NUP98: variants seen among roughly 807,000 people sequenced by gnomAD.
The protein encoded by NUP98 is nuclear pore complex protein Nup98-Nup96.
In NUP98, 26 loss-of-function variants were observed where a neutral mutation model predicts 191.9. The ratio of observed to expected loss-of-function variants is 0.14; its 90% confidence interval spans 0.10 to 0.19. NUP98 has a LOEUF of 0.19. NUP98 is among the 10% of genes least tolerant of loss of function. NUP98 has a pLI of 1.00. For synonymous variants in NUP98, 808 were observed against 778.4 expected (o/e 1.04, Z -0.63); for missense variants, 1,941 against 2,178.8 (o/e 0.89, Z 2.17).
intron 7 of NUP98, among the ~76,000 whole-genome samples, chr11:3,770,388 G>A (rs758057361): frequency 3.9e-5 from 6 of 152,024 alleles, no homozygotes; most frequent in Non-Finnish European, 8.8e-5. Flanking sequence ...TGAGGTAGGA[G>A]AATCACCTGA....
chr11:3,773,097 C>T (rs1302684136), intron 6 of NUP98, among the ~76,000 whole-genome samples: 1 of 152,096 alleles, frequency 6.6e-6, no homozygotes, highest in Non-Finnish European at 1.5e-5. Flanking sequence ...ACAGAAGCAA[C>T]ATCCAATCAG....
chr11:3,728,703 C>T (rs1395257394), intron 14 of NUP98, among the ~76,000 whole-genome samples: 1 of 152,068 alleles, frequency 6.6e-6, no homozygotes, highest in Admixed American at 6.6e-5. Flanking sequence ...GGGGCCACTG[C>T]ACTCCAGCCT....
chr11:3,741,808 G>A (rs577842211), intron 12 of NUP98, among the ~76,000 whole-genome samples: 3 of 152,284 alleles, frequency 2.0e-5, no homozygotes, highest in African/African-American at 7.2e-5. Flanking sequence ...AAGCACAAGA[G>A]CATTAGACCA....
intron 12 of NUP98, among the ~76,000 whole-genome samples, chr11:3,737,727 TAA>T (rs1195288422): frequency 6.6e-6 from 1 of 152,194 alleles, no homozygotes; most frequent in East Asian, 1.9e-4. Context: ...CAATAAATAC[TAA>T]AACACCGTAC....
Position 3,744,492 on chromosome 11 carries a change from A to C in NUP98, c.1408+17T>G, listed in dbSNP as rs374879643. 8.8e-6 allele frequency: 14 copies of C among 1,587,354 alleles called. No homozygotes were observed. Among genetic ancestry groups the C allele is most frequent in the Admixed American group, 1.9e-5 (1 of 51,462 alleles). On this transcript the variant is annotated intron_variant, in intron 12 of 32. Transcript: ENST00000324932. ...GCAAAAAATTAAGAAAAGCCTTCTA[A>C]AGTGACTGACACTTACCTACTGGGG...
At chr11:3,794,368 T>C (rs1439612267) in intron 1 of NUP98, among the ~76,000 whole-genome samples, 1 of 152,178 alleles carries the variant, frequency 6.6e-6, no homozygotes, top group African/African-American at 2.4e-5. Flanking sequence ...TCGCCCAGGC[T>C]GGAGTGCAGT....
chr11:3,770,547 TTGTG>T (rs34103771), intron 7 of NUP98, among the ~76,000 whole-genome samples: 25,615 of 146,994 alleles, frequency 0.17, 2,308 homozygotes, highest in Non-Finnish European at 0.22. Context: ...AAATACGTAT[TTGTG>T]TGTGTGTGTG....
intron 1 of NUP98, among the ~76,000 whole-genome samples, chr11:3,792,184 A>C (rs1389245762): frequency 1.5e-5 from 1 of 67,112 alleles, no homozygotes; most frequent in Non-Finnish European, 3.0e-5. Context: ...ATCTCAAAAA[A>C]AAAAAAAAAA....
chr11:3,726,128 G>A (rs2079608459), intron 14 of NUP98, among the ~76,000 whole-genome samples: 1 of 152,022 alleles, frequency 6.6e-6, no homozygotes. Flanking sequence ...AGTATACTGG[G>A]CCATTAAAGG....
At chr11:3,716,475 G>A (rs2079187326) in intron 18 of NUP98, among the ~76,000 whole-genome samples, 1 of 151,934 alleles carries the variant, frequency 6.6e-6, no homozygotes, top group Non-Finnish European at 1.5e-5. Context: ...GGAGGCCAAG[G>A]CAGGCCAAAC....
At chr11:3,723,527 G>A (rs1589810391) in intron 15 of NUP98, 72 bp from the exon 16 acceptor site, 18 of 1,302,700 alleles carry the variant, frequency 1.4e-5, no homozygotes, top group African/African-American at 5.8e-5. Flanking sequence ...AACTAATACC[G>A]AGCCTTTACT....
intron 22 of NUP98, among the ~76,000 whole-genome samples, chr11:3,704,982 T>C (rs562556949): frequency 3.9e-5 from 6 of 152,374 alleles, no homozygotes; most frequent in African/African-American, 1.4e-4. Context: ...CACTCCAGTC[T>C]GTGCAACAGA....
chr11:3,778,291 A>G (rs1357377101), intron 4 of NUP98, among the ~76,000 whole-genome samples: 1 of 151,936 alleles, frequency 6.6e-6, no homozygotes, highest in Non-Finnish European at 1.5e-5. Context: ...GAATCACTTG[A>G]TAAAGCATAC....
chr11:3,735,416 TGAA>T (rs2080011086), intron 12 of NUP98, 92 bp from the exon 13 acceptor site: 6 of 669,168 alleles, frequency 9.0e-6, no homozygotes, highest in Non-Finnish European at 1.2e-5. Context: ...GTATTCTTTT[TGAA>T]GAAGTGGTCT....
intron 5 of NUP98, among the ~76,000 whole-genome samples, chr11:3,774,957 C>A (rs2081660308): frequency 6.6e-6 from 1 of 152,158 alleles, no homozygotes; most frequent in Non-Finnish European, 1.5e-5. Flanking sequence ...TATATTTTAA[C>A]AAGTTTTATT....
intron 25 of NUP98, among the ~76,000 whole-genome samples, chr11:3,696,512 G>A (rs1452233387): frequency 1.3e-5 from 2 of 150,762 alleles, no homozygotes; most frequent in Admixed American, 6.6e-5. Flanking sequence ...GGTGCAGGGG[G>A]GAGGGAAAAA....
At chr11:3,756,814 G>A (rs905700301) in intron 10 of NUP98, among the ~76,000 whole-genome samples, 5 of 152,026 alleles carry the variant, frequency 3.3e-5, no homozygotes, top group Admixed American at 2.6e-4. Flanking sequence ...TCGGCTGGGC[G>A]CAGTGGCTCA....
intron 12 of NUP98, 23 bp from the exon 13 acceptor site, chr11:3,735,347 A>AAT: frequency 7.7e-7 from 1 of 1,306,288 alleles, no homozygotes; most frequent in Non-Finnish European, 1.0e-6. Context: ...AAAAAAGAAA[A>AAT]CAAAATATAT....
chr11:3,705,299 G>A lies in NUP98; in HGVS notation c.2983C>T (p.Arg995Cys), dbSNP rs144100440. ...EEDVDMALDQ[R>C]FSRLPSKADT... is the part of the protein sequence containing the mutation. ...GCTTTGGAAGGCAGGCGACTGAAGC[G>A]TTGATCCAGTGCCATATCTACATCT... The change falls in exon 22 of 33, where the codon CGC (arginine) becomes TGC (cysteine). Residue 995 changes from arginine (R) to cysteine (C), a missense_variant. Arg to Cys is a radical substitution (Grantham distance 180). This residue lies in a region of NUP98 where 1,030 missense variants were observed against 1,115.8 expected (regional missense o/e 0.92). Transcript: ENST00000324932. 2.4e-5 allele frequency: 38 copies of A among 1,613,930 alleles called. No individual in the cohort carries two copies. Among genetic ancestry groups the A allele is most frequent in the Middle Eastern group, 1.7e-4 (1 of 6,060 alleles).
Sources: allele counts gnomAD v4.1 joint callset (sites outside exome capture counted in the v4.1 genomes callset), GRCh38; gene constraint gnomAD v4.1.1; regional missense constraint gnomAD v4.1.1; transcripts MANE v1.5; gene names NCBI Gene and HGNC (gene_info 2026-07-23, HGNC 2026-07-21).